The following ZMIZ1 variants were observed in gnomAD, a reference collection of about 807,000 sequenced individuals.
ZMIZ1 encodes the protein zinc finger MIZ-type containing 1, also known as zinc finger MIZ domain-containing protein 1.
In ZMIZ1, 17 loss-of-function variants were observed where a neutral mutation model predicts 113.9. The ratio of observed to expected loss-of-function variants is 0.15; its 90% CI spans 0.10 to 0.22. The LOEUF is 0.22. Among genes scored for constraint, ZMIZ1 ranks in the 10% least tolerant of loss-of-function variants. The pLI, the probability that ZMIZ1 is intolerant of heterozygous loss-of-function variation, is 1.00. For missense variants in ZMIZ1, 1,059 were observed against 1,477.8 expected (o/e 0.72, Z 4.65); for synonymous variants, 607 against 603.1 (o/e 1.01, Z -0.09).
At chr10:79,206,237 ACT>A (rs1366860287) in intron 5 of ZMIZ1, among the ~76,000 whole-genome samples, 1 of 152,190 alleles carries the variant, frequency 6.6e-6, no homozygotes, top group Non-Finnish European at 1.5e-5. Flanking sequence ...AAGGCTGGGC[ACT>A]CGGGTGCCAG....
In ZMIZ1 at chr10:79,312,650, C is replaced by T. The variant is rs773095313; in HGVS notation, c.3105C>T (p.Pro1035=). Reference sequence around the variant, plus strand: ...TACTCCTTCTTTTCCAGCTCCTTCCCGAACTCACAAATCCTGACGAGCTCC... The same window carrying T: ...TACTCCTTCTTTTCCAGCTCCTTCCTGAACTCACAAATCCTGACGAGCTCC... ...DMPEPSLDLL[P]ELTNPDELLS... is the part of the protein sequence containing the mutation. Residue 1035 remains proline (P), a synonymous_variant, in exon 25 of 25, where the codon CCC becomes CCT. Transcript: ENST00000334512. The T allele has an allele frequency of 4.3e-6, 7 of 1,614,086 alleles. No individual in the cohort carries two copies. The highest frequency in any genetic ancestry group is 1.7e-5 in the Admixed American group (1 of 60,018).
At chr10:79,192,510 G>C (rs1488230946) in intron 4 of ZMIZ1, among the ~76,000 whole-genome samples, 1 of 152,224 alleles carries the variant, frequency 6.6e-6, no homozygotes, top group African/African-American at 2.4e-5. Flanking sequence ...GAAGCTTTGA[G>C]TGCCAAGCCA....
chr10:79,257,632 G>A (rs1851002382), intron 7 of ZMIZ1, among the ~76,000 whole-genome samples: 1 of 152,238 alleles, frequency 6.6e-6, no homozygotes, highest in South Asian at 2.1e-4. Flanking sequence ...GATGTTCAGG[G>A]AAGAAGCTGC....
intron 7 of ZMIZ1, among the ~76,000 whole-genome samples, chr10:79,230,957 G>T (rs535965130): frequency 7.2e-4 from 110 of 152,364 alleles, no homozygotes; most frequent in African/African-American, 2.6e-3. Context: ...CCAGGGTGTG[G>T]ACCCCTCCTC....
chr10:79,271,767 A>G (rs1043478613), intron 7 of ZMIZ1, among the ~76,000 whole-genome samples: 1 of 152,170 alleles, frequency 6.6e-6, no homozygotes, highest in African/African-American at 2.4e-5. Context: ...AAGAGGCATG[A>G]AATTGCAGGG....
At chr10:79,176,873 G>C (rs537987733) in intron 4 of ZMIZ1, among the ~76,000 whole-genome samples, 30 of 152,254 alleles carry the variant, frequency 2.0e-4, no homozygotes, top group Non-Finnish European at 3.8e-4. Context: ...TACCCAGTAA[G>C]AAGGTAGGAC....
At chr10:79,082,013 C>G (rs925999627) in intron 1 of ZMIZ1, among the ~76,000 whole-genome samples, 7 of 152,248 alleles carry the variant, frequency 4.6e-5, no homozygotes, top group Non-Finnish European at 1.0e-4. Context: ...AGCTAAAATC[C>G]AGGTGTTCCC....
intron 2 of ZMIZ1, among the ~76,000 whole-genome samples, chr10:79,133,707 C>T (rs1052027608): frequency 7.2e-5 from 11 of 152,198 alleles, no homozygotes; most frequent in South Asian, 4.1e-4. Context: ...GAAGCTCCCT[C>T]TCCTCCCAGG....
intron 6 of ZMIZ1, among the ~76,000 whole-genome samples, chr10:79,215,963 G>A (rs577493323): frequency 3.3e-5 from 5 of 152,272 alleles, no homozygotes; most frequent in East Asian, 1.9e-4. Context: ...CCCTAAGGAC[G>A]GGGCCAGGAT....
intron 2 of ZMIZ1, among the ~76,000 whole-genome samples, chr10:79,133,591 T>C (rs1251372191): frequency 6.6e-6 from 1 of 152,166 alleles, no homozygotes; most frequent in African/African-American, 2.4e-5. Context: ...AGGGAGGCCA[T>C]TCCTAGCGAC....
intron 22 of ZMIZ1, among the ~76,000 whole-genome samples, chr10:79,306,966 G>A (rs371678746): frequency 9.8e-5 from 15 of 152,326 alleles, no homozygotes; most frequent in Middle Eastern, 3.4e-3. Context: ...CCAGGGAGGC[G>A]GAACAGCTGG....
intron 8 of ZMIZ1, among the ~76,000 whole-genome samples, chr10:79,287,384 T>C (rs1027465802): frequency 2.6e-4 from 40 of 152,244 alleles, no homozygotes; most frequent in African/African-American, 8.9e-4. Flanking sequence ...CTACCCATCA[T>C]TGTGCCTGGC....
chr10:79,181,987 G>A (rs1227274479), intron 4 of ZMIZ1, among the ~76,000 whole-genome samples: 1 of 152,212 alleles, frequency 6.6e-6, no homozygotes, highest in African/African-American at 2.4e-5. Context: ...AGGAGGAGGA[G>A]GAGCCAGGAC....
intron 4 of ZMIZ1, among the ~76,000 whole-genome samples, chr10:79,174,259 C>T (rs547480039): frequency 1.3e-5 from 2 of 152,230 alleles, no homozygotes; most frequent in South Asian, 2.1e-4. Flanking sequence ...GGGTCAGCGT[C>T]GGGGACACCG....
At chr10:79,090,327 C>T (rs1487661084) in intron 1 of ZMIZ1, among the ~76,000 whole-genome samples, 1 of 152,104 alleles carries the variant, frequency 6.6e-6, no homozygotes, top group Admixed American at 6.5e-5. Flanking sequence ...TTTTTCTCAT[C>T]CCCCATGGGG....
At chr10:79,180,344 G>A (rs1847064725) in intron 4 of ZMIZ1, among the ~76,000 whole-genome samples, 1 of 152,184 alleles carries the variant, frequency 6.6e-6, no homozygotes, top group African/African-American at 2.4e-5. Context: ...AGTGATGTTG[G>A]CTGTGGGGGT....
chr10:79,187,495 A>T (rs1199364921), intron 4 of ZMIZ1, among the ~76,000 whole-genome samples: 2 of 152,142 alleles, frequency 1.3e-5, no homozygotes, highest in African/African-American at 4.8e-5. Context: ...CTGGAGTGAG[A>T]ATTCGATGGG....
At chr10:79,159,919 C>T (rs703996) in intron 3 of ZMIZ1, among the ~76,000 whole-genome samples, 9,062 of 152,242 alleles carry the variant, frequency 0.06, 391 homozygotes, top group Middle Eastern at 0.11. Context: ...CACCATAAGC[C>T]GAGCACCCCT....
chr10:79,123,105 A>G (rs1290396503), intron 2 of ZMIZ1, among the ~76,000 whole-genome samples: 1 of 152,194 alleles, frequency 6.6e-6, no homozygotes, highest in Non-Finnish European at 1.5e-5. Context: ...AGAAGGCCCT[A>G]GCTGGCCTGG....
Sources: allele counts gnomAD v4.1 joint callset (sites outside exome capture counted in the v4.1 genomes callset), GRCh38; gene constraint gnomAD v4.1.1; transcripts MANE v1.5; gene names NCBI Gene and HGNC (gene_info 2026-07-23, HGNC 2026-07-21).